BCL2: variants seen among roughly 807,000 people sequenced by gnomAD.
BCL2 encodes the protein apoptosis regulator Bcl-2.
A neutral mutation model predicts 14.2 loss-of-function variants in BCL2; 1 was observed. The ratio of observed to expected loss-of-function variants is 0.07; its 90% CI spans 0.02 to 0.33. The LOEUF is 0.33. Among genes scored for constraint, BCL2 ranks in the 10% least tolerant of loss-of-function variants. The pLI is 0.99. For missense variants in BCL2, 247 were observed against 305.9 expected, an observed-to-expected ratio of 0.81 and a Z score of 1.44; for synonymous variants, 151 against 137.2, an observed-to-expected ratio of 1.10 and a Z score of -0.70.
Position 63,318,659 on chromosome 18 carries a change from T to C in BCL2, c.8A>G (p.His3Arg), listed in dbSNP as rs557714365. MA[H>R]AGRTGYDNRE... The stretch of plus-strand genomic sequence containing the variant: ...GTTATCGTACCCTGTTCTCCCAGCG[T>C]GCGCCATCCTTCCCAGAGGAAAAGC... Residue 3 changes from histidine (H) to arginine (R), a missense_variant, in exon 2 of 3, where the codon CAC becomes CGC. This residue lies in a region of BCL2 where 144 missense variants were observed against 135.3 expected (regional missense o/e 1.06). Transcript: ENST00000333681. The surrounding 1 kb of genome is among the most constrained non-coding windows in gnomAD (Gnocchi z 7.4). 6.2e-7 allele frequency: 1 copy of C among 1,612,972 alleles called. No individual in the cohort carries two copies. Among genetic ancestry groups the C allele is most frequent in the East Asian group, 2.2e-5 (1 of 44,760 alleles).
chr18:63,230,500 A>G (rs898403594), intron 2 of BCL2, among the ~76,000 whole-genome samples: 1 of 152,160 alleles, frequency 6.6e-6, no homozygotes, highest in Admixed American at 6.5e-5. Flanking sequence ...AATCAATAGA[A>G]TCAAAACAGA....
chr18:63,245,562 T>C (rs530932986), intron 2 of BCL2, among the ~76,000 whole-genome samples: 2 of 152,312 alleles, frequency 1.3e-5, no homozygotes, highest in South Asian at 2.1e-4. Flanking sequence ...TGTGTCCTGA[T>C]GGCGGTGGTG....
intron 2 of BCL2, among the ~76,000 whole-genome samples, chr18:63,253,693 T>C (rs1911382156): frequency 6.6e-6 from 1 of 152,242 alleles, no homozygotes; most frequent in Admixed American, 6.5e-5. Context: ...AATCATTTAA[T>C]TGCAGGAGTT....
intron 2 of BCL2, among the ~76,000 whole-genome samples, chr18:63,198,633 G>GAC (rs1422992701): frequency 9.3e-5 from 13 of 140,278 alleles, no homozygotes; most frequent in East Asian, 4.3e-4. Context: ...CAGACACAGA[G>GAC]ACACACACAC....
chr18:63,165,695 T>C (rs1316509254), intron 2 of BCL2, among the ~76,000 whole-genome samples: 2 of 152,096 alleles, frequency 1.3e-5, no homozygotes, highest in African/African-American at 4.8e-5. Flanking sequence ...GCAACAAACA[T>C]TTACAAAGGG....
chr18:63,275,668 G>A (rs796361779), intron 2 of BCL2, among the ~76,000 whole-genome samples: 1 of 152,292 alleles, frequency 6.6e-6, no homozygotes, highest in East Asian at 1.9e-4. Context: ...TCCAGTTTAG[G>A]GTTTATCCAA....
chr18:63,143,272 T>G lies in BCL2; in HGVS notation c.586-14513A>C, dbSNP rs141750604. On this transcript the variant is annotated intron_variant, in intron 2 of 2. Transcript: ENST00000333681. Reference sequence around the variant, plus strand: ...GAAAAAGAGAAGCTGAAAGCAATCATGGATGAGTTTTAAGTGAGTGGAGGG... The same window carrying G: ...GAAAAAGAGAAGCTGAAAGCAATCAGGGATGAGTTTTAAGTGAGTGGAGGG... Among the ~76,000 whole-genome samples the G allele has an allele frequency of 2.4e-4, 36 of 152,286 alleles. 1 individual carries two copies. The East Asian group carries it at 6.8e-3, about 29-fold the overall frequency.
intron 2 of BCL2, among the ~76,000 whole-genome samples, chr18:63,309,725 C>T (rs1913247323): frequency 6.6e-6 from 1 of 152,160 alleles, no homozygotes; most frequent in South Asian, 2.1e-4. Context: ...CGCAGCCATC[C>T]TTCAGTAACC....
At chr18:63,230,685 T>G (rs543985350) in intron 2 of BCL2, among the ~76,000 whole-genome samples, 1 of 152,270 alleles carries the variant, frequency 6.6e-6, no homozygotes, top group African/African-American at 2.4e-5. Flanking sequence ...AATTCTTTTC[T>G]GTATTTTAAA....
At chr18:63,253,484 G>T (rs1203922520) in intron 2 of BCL2, among the ~76,000 whole-genome samples, 1 of 152,212 alleles carries the variant, frequency 6.6e-6, no homozygotes, top group African/African-American at 2.4e-5. Flanking sequence ...CATTGCTGGG[G>T]TAGCCCAATC....
chr18:63,293,014 G>A (rs1455138718), intron 2 of BCL2, among the ~76,000 whole-genome samples: 1 of 152,118 alleles, frequency 6.6e-6, no homozygotes, highest in African/African-American at 2.4e-5. Flanking sequence ...TCCCCACAGG[G>A]GAAGTTCACA....
intron 2 of BCL2, chr18:63,302,481 C>G: frequency 1.0e-6 from 1 of 985,228 alleles, no homozygotes. Flanking sequence ...TTTTTGGCTT[C>G]CTTATGAAAT....
intron 2 of BCL2, among the ~76,000 whole-genome samples, chr18:63,159,090 A>G (rs1421161013): frequency 6.6e-6 from 1 of 152,218 alleles, no homozygotes; most frequent in Admixed American, 6.5e-5. Flanking sequence ...CTCATGTACC[A>G]TAAAAGGGGA....
intron 2 of BCL2, among the ~76,000 whole-genome samples, chr18:63,218,644 A>C (rs1241917461): frequency 7.6e-5 from 5 of 66,210 alleles, no homozygotes; most frequent in Admixed American, 1.8e-4. Flanking sequence ...CACTCATCCC[A>C]TCCTCCACTC....
At position 63,126,634 on chromosome 18, in the gene BCL2, A is replaced by G. The variant is rs946176729; in HGVS notation, c.*1991T>C. The G allele has an allele frequency of 3.9e-5, 9 of 228,482 alleles. No individual in the cohort carries two copies. Among genetic ancestry groups the G allele is most frequent in the African/African-American group, 1.3e-4 (6 of 45,092 alleles). The allele number at this position is 228,482 out of a possible 1,614,324, so 14.2% of individuals were successfully genotyped here. ...GTTGAAACAAAGCTCCTCAGTGGCC[A>G]GTGACATCCAGGTTTTTCTTAGGTA... On this transcript the variant is annotated 3_prime_UTR_variant, in exon 3 of 3. Coordinates refer to ENST00000333681, the MANE Select transcript of BCL2 (RefSeq NM_000633.3).
At chr18:63,284,756 C>T (rs1160230468) in intron 2 of BCL2, among the ~76,000 whole-genome samples, 1 of 152,124 alleles carries the variant, frequency 6.6e-6, no homozygotes, top group Non-Finnish European at 1.5e-5. Context: ...CAAGGGGGAA[C>T]CTTGAGTAAA....
chr18:63,216,173 G>A (rs892779105), intron 2 of BCL2, among the ~76,000 whole-genome samples: 16 of 151,508 alleles, frequency 1.1e-4, no homozygotes, highest in African/African-American at 2.2e-4. Context: ...TCTATTTTCC[G>A]GATTTTTCTG....
chr18:63,237,279 A>C (rs1302275402), intron 2 of BCL2, among the ~76,000 whole-genome samples: 2 of 152,166 alleles, frequency 1.3e-5, no homozygotes, highest in African/African-American at 4.8e-5. Context: ...GCCTCGATCA[A>C]TCACCTCCCC....
At chr18:63,289,958 G>A (rs896175820) in intron 2 of BCL2, among the ~76,000 whole-genome samples, 1 of 152,160 alleles carries the variant, frequency 6.6e-6, no homozygotes, top group Non-Finnish European at 1.5e-5. Flanking sequence ...AAACTGGAGT[G>A]CGGAGAAACT....
Sources: gnomAD v4.1 joint callset for allele counts (sites outside exome capture counted in the v4.1 genomes callset) on GRCh38, gnomAD v4.1.1 for gene constraint, gnomAD v4.1.1 regional missense constraint, Gnocchi (gnomAD v3.1) non-coding constraint, MANE v1.5 for transcripts, NCBI Gene and HGNC (gene_info 2026-07-23, HGNC 2026-07-21) for gene names.